Variants in TAFA5 observed in about 807,000 individuals in gnomAD.
TAFA5 encodes TAFA chemokine like family member 5.
A neutral mutation model predicts 15.3 loss-of-function variants in TAFA5; 6 were observed. The ratio of observed to expected loss-of-function variants is 0.39; its 90% CI spans 0.21 to 0.77. TAFA5 has a LOEUF of 0.77. Among genes scored for constraint, TAFA5 ranks in the 30% least tolerant of loss-of-function variants. The pLI is 0.41. For missense variants in TAFA5, 161 were observed against 193.1 expected, an observed-to-expected ratio of 0.83 and a Z score of 0.98; for synonymous variants, 103 against 80.7, an observed-to-expected ratio of 1.28 and a Z score of -1.48.
intron 3 of TAFA5, 43 bp downstream of exon 3, chr22:48,707,887 G>T (rs1171756680): frequency 1.3e-6 from 2 of 1,595,664 alleles, no homozygotes. Context: ...TGGGGAGGGG[G>T]TATGTGTGTG....
chr22:48,740,435 G>T (rs560890009), intron 3 of TAFA5, among the ~76,000 whole-genome samples: 2 of 152,230 alleles, frequency 1.3e-5, no homozygotes, highest in Non-Finnish European at 2.9e-5. Context: ...TCACTCTCTG[G>T]TTGCAAGGAA....
Position 48,646,691 on chromosome 22 carries a change from G to A in TAFA5, c.207G>A (p.Ala69=), listed in dbSNP as rs777036601. The change falls in exon 2 of 4, where the codon GCG becomes GCA. Residue 69 remains alanine (A), a synonymous_variant. Transcript: ENST00000402357. ...TCGCCCGGCAGACCGCCCGCTGTGCGTGTAGAAAGGGGCAGATCGCCGGCA... is the reference window on the plus strand; with the variant it reads ...TCGCCCGGCAGACCGCCCGCTGTGCATGTAGAAAGGGGCAGATCGCCGGCA... ...RTIARQTARC[A]CRKGQIAGTT... 58 of 1,609,432 alleles carry A rather than the reference G, an allele frequency of 3.6e-5. No individual in the cohort carries two copies. The highest frequency in any genetic ancestry group is 7.7e-5 in the South Asian group (7 of 90,846).
chr22:48,614,001 C>T (rs942146998), intron 1 of TAFA5, among the ~76,000 whole-genome samples: 7 of 152,228 alleles, frequency 4.6e-5, no homozygotes, highest in Non-Finnish European at 7.3e-5. Context: ...AGGACAAAGC[C>T]GCTCGCGAGC....
chr22:48,621,820 C>T lies in TAFA5; in HGVS notation c.113-24777C>T, dbSNP rs560484092. Among the ~76,000 whole-genome samples, 25 of 152,200 alleles carry T rather than the reference C, an allele frequency of 1.6e-4. No homozygotes were observed. In the South Asian group the frequency reaches 3.3e-3, roughly 20 times the overall value. Reference sequence around the variant, plus strand: ...GAGGCCCTGTGATGCTGAGAGCCCACGAGGTCTCAGTGTCGCTGGGGATGG... The same window carrying T: ...GAGGCCCTGTGATGCTGAGAGCCCATGAGGTCTCAGTGTCGCTGGGGATGG... On this transcript the variant is annotated intron_variant, in intron 1 of 3. Coordinates refer to ENST00000402357, the MANE Select transcript of TAFA5 (RefSeq NM_001082967.3).
Position 48,584,811 on chromosome 22 carries a change from G to A in TAFA5, c.113-61786G>A, listed in dbSNP as rs142927508. Among the ~76,000 whole-genome samples the A allele has an allele frequency of 5.2e-3, 727 of 139,872 alleles. 32 individuals carry two copies. In the East Asian group the frequency reaches 0.11, roughly 22 times the overall value. 91.8% of individuals were successfully genotyped at this position (139,872 alleles called of 152,430 possible). ...CATGCCACTCACCACACAAAATACAGCACACACGCATACACACGTATACAA... is the reference window on the plus strand; with the variant it reads ...CATGCCACTCACCACACAAAATACAACACACACGCATACACACGTATACAA... On this transcript the variant is annotated intron_variant, in intron 1 of 3. Transcript: ENST00000402357.
At chr22:48,565,929 G>C (rs1923392078) in intron 1 of TAFA5, among the ~76,000 whole-genome samples, 1 of 152,112 alleles carries the variant, frequency 6.6e-6, no homozygotes, top group Non-Finnish European at 1.5e-5. Context: ...TAGATGAGTA[G>C]ATGGATGATG....
chr22:48,531,670 C>T (rs191169743), intron 1 of TAFA5, among the ~76,000 whole-genome samples: 13 of 149,938 alleles, frequency 8.7e-5, no homozygotes, highest in African/African-American at 2.7e-4. Context: ...ACCCCCAGCG[C>T]GCCCTCCTGC....
intron 2 of TAFA5, among the ~76,000 whole-genome samples, chr22:48,655,830 CTTTTTTTTTTTT>C (rs1197219539): frequency 6.1e-4 from 38 of 62,406 alleles, no homozygotes; most frequent in African/African-American, 2.7e-3. Flanking sequence ...AACACTGATT[CTTTTTTTTTTTT>C]TTTTTTTTTT....
At chr22:48,569,672 C>T (rs1005009078) in intron 1 of TAFA5, among the ~76,000 whole-genome samples, 4 of 152,132 alleles carry the variant, frequency 2.6e-5, no homozygotes, top group Non-Finnish European at 4.4e-5. Flanking sequence ...CTGGCTGACA[C>T]GGGGGCCGGG....
intron 3 of TAFA5, among the ~76,000 whole-genome samples, chr22:48,731,684 C>T (rs529730708): frequency 9.2e-5 from 14 of 152,222 alleles, no homozygotes; most frequent in Admixed American, 2.0e-4. Flanking sequence ...ATCCTTTAAG[C>T]CCACCGATGA....
chr22:48,680,890 G>T (rs193013058), intron 2 of TAFA5, among the ~76,000 whole-genome samples: 2 of 152,226 alleles, frequency 1.3e-5, no homozygotes, highest in Admixed American at 6.5e-5. Context: ...ATCTTAGGGC[G>T]CCCGGGTGGC....
At chr22:48,600,215 G>A (rs1001078049) in intron 1 of TAFA5, among the ~76,000 whole-genome samples, 1 of 152,218 alleles carries the variant, frequency 6.6e-6, no homozygotes, top group East Asian at 1.9e-4. Context: ...ACAGTGCAGG[G>A]CAGATAAGTG....
chr22:48,563,461 C>T (rs748757289), intron 1 of TAFA5, among the ~76,000 whole-genome samples: 12 of 152,290 alleles, frequency 7.9e-5, no homozygotes, highest in Admixed American at 6.5e-5. Flanking sequence ...TGGTGTTGGC[C>T]GCATATCTGA....
intron 1 of TAFA5, among the ~76,000 whole-genome samples, chr22:48,602,462 G>A (rs537459019): frequency 2.2e-4 from 33 of 152,196 alleles, no homozygotes; most frequent in Admixed American, 2.2e-3. Flanking sequence ...GATGGAACAC[G>A]CCCAGGAGGC....
intron 2 of TAFA5, among the ~76,000 whole-genome samples, chr22:48,675,461 C>A (rs77415227): frequency 6.6e-6 from 1 of 152,242 alleles, no homozygotes; most frequent in Non-Finnish European, 1.5e-5. Flanking sequence ...GGCCCATACA[C>A]CCACTTGTGG....
At chr22:48,607,048 G>T (rs1160357493) in intron 1 of TAFA5, among the ~76,000 whole-genome samples, 1 of 152,244 alleles carries the variant, frequency 6.6e-6, no homozygotes, top group African/African-American at 2.4e-5. Context: ...CAGGCTCTGG[G>T]GATGTCTGAG....
At chr22:48,627,784 C>T (rs1926076643) in intron 1 of TAFA5, among the ~76,000 whole-genome samples, 1 of 152,238 alleles carries the variant, frequency 6.6e-6, no homozygotes, top group African/African-American at 2.4e-5. Context: ...GTAAGGGCCT[C>T]AGGGCCATGG....
rs551694221 is a variant in TAFA5, at chr22:48,727,602, T to C, written c.390+19758T>C. On this transcript the variant is annotated intron_variant, in intron 3 of 3. Coordinates refer to ENST00000402357, the MANE Select transcript of TAFA5 (RefSeq NM_001082967.3). Reference sequence around the variant, plus strand: ...TCATAGTGTTCGGATAGAATGTCACTATCAGTGAAGACAATAAATGTAAAT... The same window carrying C: ...TCATAGTGTTCGGATAGAATGTCACCATCAGTGAAGACAATAAATGTAAAT... 2.0e-5 allele frequency among the ~76,000 whole-genome samples: 3 copies of C among 152,330 alleles called. No individual in the cohort carries two copies. In the South Asian group the frequency reaches 6.2e-4, roughly 32 times the overall value.
At chr22:48,690,714 G>A (rs557624570) in intron 2 of TAFA5, among the ~76,000 whole-genome samples, 1 of 152,312 alleles carries the variant, frequency 6.6e-6, no homozygotes, top group South Asian at 2.1e-4. Flanking sequence ...AGAGCTCTTG[G>A]GGACAGGCCT....
Sources: gnomAD v4.1 joint callset for allele counts (sites outside exome capture counted in the v4.1 genomes callset) on GRCh38, gnomAD v4.1.1 for gene constraint, MANE v1.5 for transcripts, NCBI Gene and HGNC (gene_info 2026-07-23, HGNC 2026-07-21) for gene names.